The following UBR1 variants were observed in gnomAD, a reference collection of about 807,000 sequenced individuals.
The protein encoded by UBR1 is ubiquitin protein ligase E3 component n-recognin 1.
In UBR1, 102 loss-of-function variants were observed where a neutral mutation model predicts 242.1. That is an observed-to-expected ratio of 0.42 (90% CI 0.36 to 0.50). The LOEUF (loss-of-function observed/expected upper bound fraction) is 0.50, where lower values mean the gene tolerates loss of function less well. Among genes scored for constraint, UBR1 ranks in the 20% least tolerant of loss-of-function variants. UBR1 has a pLI of 0.01. For synonymous variants in UBR1, 675 were observed against 684.8 expected (o/e 0.99, Z 0.22); for missense variants, 1,772 against 2,101.8 (o/e 0.84, Z 3.07).
At chr15:43,066,428 T>C (rs2033753047) in intron 6 of UBR1, among the ~76,000 whole-genome samples, 1 of 152,204 alleles carries the variant, frequency 6.6e-6, no homozygotes, top group Non-Finnish European at 1.5e-5. Flanking sequence ...TTGCTTAGGA[T>C]TATATTGGCT....
chr15:43,075,214 T>G, intron 3 of UBR1, 125 bp from the exon 4 acceptor site: 1 of 817,250 alleles, frequency 1.2e-6, no homozygotes, highest in Non-Finnish European at 2.1e-6. Context: ...AATGTAATAT[T>G]AACTGGATGT....
At chr15:43,032,988 A>C (rs527495096) in intron 19 of UBR1, among the ~76,000 whole-genome samples, 1 of 152,310 alleles carries the variant, frequency 6.6e-6, no homozygotes, top group African/African-American at 2.4e-5. Flanking sequence ...TTATATGGTG[A>C]GAGTATCCTT....
intron 12 of UBR1, among the ~76,000 whole-genome samples, chr15:43,050,485 A>G (rs1394996644): frequency 6.6e-6 from 1 of 152,182 alleles, no homozygotes; most frequent in Admixed American, 6.5e-5. Context: ...CGAGGTGGGC[A>G]GATTGCCTGA....
Position 42,978,391 on chromosome 15 carries a change from G to A in UBR1, c.4151-444C>T, listed in dbSNP as rs151242001. ...ACAGAGTAGGTAAAATGAGGATGGA[G>A]AAGATCATCCTGAACAAAATTAGAT... On this transcript the variant is annotated intron_variant, in intron 37 of 46. Transcript: ENST00000290650. Among the ~76,000 whole-genome samples, 383 of 152,312 alleles carry A rather than the reference G, an allele frequency of 2.5e-3. 3 individuals carry two copies. Among genetic ancestry groups the A allele is most frequent in the African/African-American group, 8.7e-3 (360 of 41,566 alleles).
chr15:43,094,511 CTT>C lies in UBR1; in HGVS notation c.82-8273_82-8272del, dbSNP rs753928191. Reference sequence around the variant, plus strand: ...TTTCTTTTTAAATTTTTTTCTATTTCTTTTTCTTTTTTATTTTCTTTTTTATA... The same window carrying C: ...TTTCTTTTTAAATTTTTTTCTATTTCTTTCTTTTTTATTTTCTTTTTTATA... On this transcript the variant is annotated intron_variant, in intron 1 of 46. Transcript: ENST00000290650. 6.0e-4 allele frequency among the ~76,000 whole-genome samples: 91 copies of C among 150,816 alleles called. 1 individual carries two copies. The highest frequency in any genetic ancestry group is 1.1e-3 in the Admixed American group (17 of 15,190).
At chr15:42,972,648 G>T (rs1261255240) in intron 39 of UBR1, among the ~76,000 whole-genome samples, 1 of 152,166 alleles carries the variant, frequency 6.6e-6, no homozygotes, top group African/African-American at 2.4e-5. Context: ...TGAGATTACA[G>T]GTGTGAGTCA....
At chr15:43,017,724 C>A (rs952804853) in intron 27 of UBR1, among the ~76,000 whole-genome samples, 2 of 151,138 alleles carry the variant, frequency 1.3e-5, no homozygotes, top group African/African-American at 4.9e-5. Flanking sequence ...GCAGGAGAAT[C>A]GCTTGAACCT....
At position 43,025,365 on chromosome 15, in the gene UBR1, G is replaced by T; in HGVS notation, c.2584+16C>A. 1 of 1,603,556 alleles carries T rather than the reference G, an allele frequency of 6.2e-7. No individual in the cohort carries two copies. The highest frequency in any genetic ancestry group is 1.1e-5 in the South Asian group (1 of 90,682). ...AAAATAGTCAAAATGAGTCAATTCA[G>T]AATCTCACTTTTTACCTTCATCTTT... On this transcript the variant is annotated intron_variant, in intron 24 of 46. Transcript: ENST00000290650.
At chr15:42,959,684 T>TA (rs2031982321) in intron 43 of UBR1, among the ~76,000 whole-genome samples, 1 of 152,220 alleles carries the variant, frequency 6.6e-6, no homozygotes, top group African/African-American at 2.4e-5. Flanking sequence ...ATTCATATCT[T>TA]AAACTTTTCT....
rs184394473 is a variant in UBR1, at chr15:43,032,496, T to C, written c.2254+72A>G. 2,887 of 1,032,544 alleles carry C rather than the reference T, an allele frequency of 2.8e-3. 8 individuals carry two copies. Among genetic ancestry groups the C allele is most frequent in the Non-Finnish European group, 3.9e-3 (2,652 of 674,810 alleles). 64.0% of individuals were successfully genotyped at this position (1,032,544 alleles called of 1,614,324 possible). On this transcript the variant is annotated intron_variant, in intron 20 of 46. Transcript: ENST00000290650. ...ACGAATAAGGAGTAAAATGATCAAT[T>C]ATAGTTCATATAAATGGTCTCTCTA... is the stretch of plus-strand genomic sequence containing the variant.
intron 38 of UBR1, 62 bp from the exon 39 acceptor site, chr15:42,976,929 A>G: frequency 1.3e-6 from 2 of 1,562,002 alleles, no homozygotes; most frequent in Non-Finnish European, 8.7e-7. Flanking sequence ...AATTAATGTC[A>G]TAACTAAATG....
chr15:42,966,101 G>C (rs2032100937), intron 41 of UBR1, 52 bp downstream of exon 41: 3 of 1,613,280 alleles, frequency 1.9e-6, no homozygotes, highest in Non-Finnish European at 2.5e-6. Flanking sequence ...TTGAAGGTAA[G>C]AACAAAGAAA....
In UBR1 at chr15:43,012,226, C is replaced by CA. The variant is rs1454205296; in HGVS notation, c.3209+3461dup. Among the ~76,000 whole-genome samples, 743 of 82,252 alleles carry CA rather than the reference C, an allele frequency of 9.0e-3. 4 individuals carry two copies. The highest frequency in any genetic ancestry group is 0.03 in the Middle Eastern group (4 of 134). 54.0% of individuals were successfully genotyped at this position (82,252 alleles called of 152,430 possible). On this transcript the variant is annotated intron_variant, in intron 29 of 46. Coordinates refer to ENST00000290650, the MANE Select transcript of UBR1 (RefSeq NM_174916.3). Reference sequence around the variant, plus strand: ...TGGGCGACAGAGTGAGATTCCGTCTCAAAAAAAAAAAAAAAGAATCTACAT... The same window carrying CA: ...TGGGCGACAGAGTGAGATTCCGTCTCAAAAAAAAAAAAAAAAGAATCTACAT...
intron 21 of UBR1, among the ~76,000 whole-genome samples, chr15:43,028,128 CAAAGA>C (rs1228330024): frequency 6.6e-6 from 1 of 152,104 alleles, no homozygotes; most frequent in East Asian, 1.9e-4. Flanking sequence ...ACCAATACTT[CAAAGA>C]AAAGAAGCTC....
At chr15:43,070,332 C>T (rs2033809570) in intron 5 of UBR1, among the ~76,000 whole-genome samples, 1 of 150,328 alleles carries the variant, frequency 6.7e-6, no homozygotes, top group South Asian at 2.1e-4. Context: ...GGGAAAGGGC[C>T]ATTTCCTCAT....
intron 39 of UBR1, among the ~76,000 whole-genome samples, chr15:42,973,979 C>A (rs1187169399): frequency 1.3e-5 from 2 of 150,868 alleles, no homozygotes; most frequent in Admixed American, 6.6e-5. Context: ...AGCTCCACCT[C>A]CCGGGTTCAC....
chr15:42,964,166 T>C (rs973633782), intron 41 of UBR1, 123 bp from the exon 42 acceptor site: 2 of 762,770 alleles, frequency 2.6e-6, no homozygotes, highest in Non-Finnish European at 4.4e-6. Flanking sequence ...ATATTGCTTA[T>C]TCTATAAAAC....
intron 27 of UBR1, among the ~76,000 whole-genome samples, chr15:43,018,735 A>T (rs1397275146): frequency 6.6e-6 from 1 of 152,162 alleles, no homozygotes; most frequent in Non-Finnish European, 1.5e-5. Flanking sequence ...ATGAGGAAAA[A>T]TTTCCCACAA....
At chr15:43,033,026 G>T (rs113967028) in intron 19 of UBR1, among the ~76,000 whole-genome samples, 2,555 of 152,218 alleles carry the variant, frequency 0.017, 71 homozygotes, top group African/African-American at 0.058. Flanking sequence ...TTTAAACTAT[G>T]AAATCAGATA....
Sources: gnomAD v4.1 joint callset for allele counts (sites outside exome capture counted in the v4.1 genomes callset) on GRCh38, gnomAD v4.1.1 for gene constraint, MANE v1.5 for transcripts, NCBI Gene and HGNC (gene_info 2026-07-23, HGNC 2026-07-21) for gene names.